Variants in UBAP2 observed in about 807,000 individuals in gnomAD.
The protein encoded by UBAP2 is ubiquitin-associated protein 2.
Under a neutral mutation model 139.6 loss-of-function variants are expected in UBAP2, and 75 were observed. The observed-to-expected ratio is 0.54, with a 90% CI of 0.45 to 0.65. The LOEUF (loss-of-function observed/expected upper bound fraction) is 0.65, where lower values mean the gene tolerates loss of function less well. UBAP2 is among the 30% of genes least tolerant of loss of function. UBAP2 has a pLI of 0.00. For synonymous variants in UBAP2, 526 were observed against 526.2 expected (o/e 1.00, Z 0.01); for missense variants, 1,368 against 1,369.6 (o/e 1.00, Z 0.02).
At chr9:33,933,038 C>T (rs1371426566) in intron 18 of UBAP2, among the ~76,000 whole-genome samples, 2 of 152,216 alleles carry the variant, frequency 1.3e-5, no homozygotes, top group Non-Finnish European at 2.9e-5. Context: ...GAACACTCCT[C>T]AGAAGACACA....
intron 3 of UBAP2, chr9:33,997,949 G>C (rs1392369438): frequency 6.6e-6 from 1 of 152,128 alleles, no homozygotes; most frequent in Non-Finnish European, 1.5e-5. Flanking sequence ...TGAGGTAGCG[G>C]TTACAGCTTG....
Position 34,046,550 on chromosome 9 carries a change from A to G in UBAP2, c.-42+2275T>C, listed in dbSNP as rs1827601313. Among the ~76,000 whole-genome samples, 7 of 150,368 alleles carry G rather than the reference A, an allele frequency of 4.7e-5. No homozygotes were observed. In the Admixed American group the frequency reaches 4.7e-4, roughly 10 times the overall value. On this transcript the variant is annotated intron_variant, in intron 1 of 28. Transcript: ENST00000379238. ...TGCCAGCTACTCGGGAGGCTGAGCC[A>G]GGAGAATGGCGTGAACCCGGGAGGC...
chr9:34,020,864 G>GT (rs753070163), intron 1 of UBAP2, among the ~76,000 whole-genome samples: 1 of 151,734 alleles, frequency 6.6e-6, no homozygotes, highest in Non-Finnish European at 1.5e-5. Context: ...GGGTTTCACC[G>GT]TGTTAGCCAG....
At chr9:34,048,462 G>A (rs1295393406) in intron 1 of UBAP2, among the ~76,000 whole-genome samples, 5 of 152,216 alleles carry the variant, frequency 3.3e-5, no homozygotes, top group African/African-American at 4.8e-5. Context: ...ACAGCGTGGC[G>A]GGGAAGCTCC....
At chr9:34,007,585 C>T (rs1324378740) in intron 2 of UBAP2, among the ~76,000 whole-genome samples, 5 of 150,982 alleles carry the variant, frequency 3.3e-5, no homozygotes, top group African/African-American at 1.2e-4. Flanking sequence ...AATTTTTTCA[C>T]ATACATTTTT....
At chr9:33,951,179 C>T (rs1320314874) in intron 12 of UBAP2, among the ~76,000 whole-genome samples, 1 of 151,958 alleles carries the variant, frequency 6.6e-6, no homozygotes, top group East Asian at 1.9e-4. Flanking sequence ...TGTGCCATGA[C>T]AACCAGCTTA....
intron 1 of UBAP2, among the ~76,000 whole-genome samples, chr9:34,029,943 C>T (rs1432767429): frequency 2.0e-5 from 3 of 147,964 alleles, no homozygotes; most frequent in Non-Finnish European, 3.0e-5. Context: ...GCTGAGATTG[C>T]GCCACTGCAC....
chr9:33,988,967 A>G lies in UBAP2; in HGVS notation c.442+6T>C. On this transcript the variant is annotated splice_donor_region_variant and intron_variant, in intron 5 of 28. Transcript: ENST00000379238. ...AGAAAAAACTGAGGAGAAAGTCTGT[A>G]CTTACATTCTCTGCCACGATTGCCG... 1 of 1,609,080 alleles carries G rather than the reference A, an allele frequency of 6.2e-7. No homozygotes were observed.
At chr9:34,011,644 A>G in intron 2 of UBAP2, 1 of 987,544 alleles carries the variant, frequency 1.0e-6, no homozygotes, top group Non-Finnish European at 1.2e-6. Context: ...AGCTCTAGGA[A>G]GTGTCAAGAG....
chr9:33,922,687 C>T lies in UBAP2; in HGVS notation c.3264G>A (p.Gln1088=). ...LLHHHLPQDA[Q]SGSGQRSQPS... is the part of the protein sequence containing the mutation. The stretch of plus-strand genomic sequence containing the variant: ...TGGCTGCCTCCATCACTGTACTCAC[C>T]TGTGCATCCTGCGGAAGGTGGTGGT... The change falls in exon 28 of 29, where the codon CAG becomes CAA. Residue 1088 remains glutamine (Q), a splice_region_variant and synonymous_variant. Coordinates refer to ENST00000379238, the MANE Select transcript of UBAP2 (RefSeq NM_001370062.2). 1 of 1,555,294 alleles carries T rather than the reference C, an allele frequency of 6.4e-7. No individual in the cohort carries two copies. The highest frequency in any genetic ancestry group is 8.7e-7 in the Non-Finnish European group (1 of 1,151,308).
chr9:34,035,514 A>ATATATATATATATATATAT (rs1554692767), intron 1 of UBAP2, among the ~76,000 whole-genome samples: 32 of 22,472 alleles, frequency 1.4e-3, no homozygotes, highest in Admixed American at 3.5e-3. Context: ...AAAAAAAAAA[A>ATATATATATATATATATAT]ATATATATAT....
intron 1 of UBAP2, among the ~76,000 whole-genome samples, chr9:34,043,886 G>C (rs982410877): frequency 1.3e-5 from 2 of 151,450 alleles, no homozygotes; most frequent in Non-Finnish European, 2.9e-5. Flanking sequence ...TCAGCACTTT[G>C]GGAGGCCGAA....
intron 8 of UBAP2, among the ~76,000 whole-genome samples, chr9:33,969,921 CTTTTTTT>C (rs1173625005): frequency 1.7e-4 from 8 of 46,182 alleles, no homozygotes; most frequent in South Asian, 3.2e-3. Context: ...GTGTATAATT[CTTTTTTT>C]TTTTTTTTTT....
rs773076228 is a variant in UBAP2, at chr9:33,948,484, T to C, written c.1160A>G (p.Gln387Arg). ...CTGTGTACTTGGGGTGGTGGTAAAC[T>C]GGCCCAAACTCGGAGCTTTCAACTG... ...LDQLKAPSLG[Q>R]FTTTPSTQQN... is the part of the protein sequence containing the mutation. The change falls in exon 13 of 29, where the codon CAG becomes CGG. Residue 387 changes from glutamine (Q) to arginine (R), a missense_variant. Transcript: ENST00000379238. 1 of 1,614,204 alleles carries C rather than the reference T, an allele frequency of 6.2e-7. No individual in the cohort carries two copies. Among genetic ancestry groups the C allele is most frequent in the East Asian group, 2.2e-5 (1 of 44,886 alleles).
At chr9:33,935,770 C>G (rs1298248604) in intron 17 of UBAP2, 69 bp downstream of exon 17, 1 of 1,578,604 alleles carries the variant, frequency 6.3e-7, no homozygotes, top group Non-Finnish European at 8.7e-7. Flanking sequence ...TTCCACATCA[C>G]GTGAGCTATC....
intron 19 of UBAP2, among the ~76,000 whole-genome samples, chr9:33,929,305 CAA>C (rs1823758438): frequency 1.3e-5 from 2 of 152,316 alleles, no homozygotes; most frequent in Admixed American, 6.5e-5. Flanking sequence ...GAAAGGGACT[CAA>C]GAGTCATCTG....
intron 2 of UBAP2, among the ~76,000 whole-genome samples, chr9:34,015,166 A>G (rs553137542): frequency 2.0e-5 from 3 of 152,182 alleles, no homozygotes; most frequent in Non-Finnish European, 2.9e-5. Context: ...CATATTGCCT[A>G]TGAAAAAGGG....
At chr9:33,968,200 C>T (rs537414112) in intron 8 of UBAP2, 4 of 615,606 alleles carry the variant, frequency 6.5e-6, no homozygotes, top group African/African-American at 1.8e-5. Context: ...TTGGTGCATT[C>T]GATTGGTACA....
In UBAP2 at chr9:33,996,192, T is replaced by C. The variant is rs771017414; in HGVS notation, c.288+31A>G. On this transcript the variant is annotated intron_variant, in intron 4 of 28. Transcript: ENST00000379238. ...TGTGCTACGGAATTGGAGACAAATG[T>C]AAACAATGCAAATCAATTAATAATA... The C allele has an allele frequency of 1.9e-6, 3 of 1,543,120 alleles. No homozygotes were observed. In the South Asian group the frequency reaches 3.4e-5, roughly 17 times the overall value.
Sources: allele counts gnomAD v4.1 joint callset (sites outside exome capture counted in the v4.1 genomes callset), GRCh38; gene constraint gnomAD v4.1.1; transcripts MANE v1.5; gene names NCBI Gene and HGNC (gene_info 2026-07-23, HGNC 2026-07-21).